Variants in GATA4 observed in about 807,000 individuals in gnomAD.
The protein encoded by GATA4 is GATA binding protein 4.
A neutral mutation model predicts 37.9 loss-of-function variants in GATA4; 7 were observed. That is an observed-to-expected ratio of 0.18 (90% CI 0.11 to 0.35). The LOEUF is 0.35. GATA4 is among the 10% of genes least tolerant of loss of function. GATA4 has a pLI of 1.00. For missense variants in GATA4, 647 were observed against 653.0 expected (o/e 0.99, Z 0.10); for synonymous variants, 372 against 292.6 (o/e 1.27, Z -2.77).
intron 1 of GATA4, chr8:11,680,582 T>C (rs4367493): frequency 0.86 from 848,482 of 985,254 alleles, 368,060 homozygotes; most frequent in East Asian, 0.89. Context: ...AAGCCCAGGC[T>C]ATGCCCAGCC....
At chr8:11,697,518 G>T (rs1261881311) in intron 1 of GATA4, 3 of 980,786 alleles carry the variant, frequency 3.1e-6, no homozygotes, top group Non-Finnish European at 3.6e-6. Context: ...CTGCAGTTGG[G>T]GAGGGAGAGG....
chr8:11,679,183 G>GT (rs1478687308), intron 1 of GATA4, among the ~76,000 whole-genome samples: 1 of 148,694 alleles, frequency 6.7e-6, no homozygotes, highest in African/African-American at 2.4e-5. Context: ...TAATTGCGGG[G>GT]GGGGGCACTT....
chr8:11,744,131 G>C (rs1285570576), intron 2 of GATA4, among the ~76,000 whole-genome samples: 1 of 152,136 alleles, frequency 6.6e-6, no homozygotes, highest in African/African-American at 2.4e-5. Flanking sequence ...TAGCCCCAGT[G>C]GTTTAAGAAA....
At chr8:11,743,553 G>C (rs1801866788) in intron 2 of GATA4, among the ~76,000 whole-genome samples, 1 of 152,346 alleles carries the variant, frequency 6.6e-6, no homozygotes, top group Middle Eastern at 3.4e-3. Flanking sequence ...GCCCAGGGGA[G>C]GGAGTGGAGA....
At chr8:11,723,598 A>G (rs1006333406) in intron 2 of GATA4, among the ~76,000 whole-genome samples, 1 of 152,190 alleles carries the variant, frequency 6.6e-6, no homozygotes, top group Non-Finnish European at 1.5e-5. Context: ...TTAGTGAGGA[A>G]TGGCGTTTGG....
chr8:11,721,425 T>C (rs916484183), intron 2 of GATA4, among the ~76,000 whole-genome samples: 1 of 150,924 alleles, frequency 6.6e-6, no homozygotes, highest in African/African-American at 2.4e-5. Context: ...GCACTTCAGA[T>C]ATAGCGCTTT....
In GATA4 at chr8:11,708,802, G is replaced by C; in HGVS notation, c.490G>C (p.Ala164Pro). 6.8e-7 allele frequency: 1 copy of C among 1,478,622 alleles called. No individual in the cohort carries two copies. The highest frequency in any genetic ancestry group is 8.9e-7 in the Non-Finnish European group (1 of 1,121,820). 91.6% of individuals were successfully genotyped at this position (1,478,622 alleles called of 1,614,324 possible). ...FAGSYSSPYP[A>P]YMADVGASWA... is the part of the protein sequence containing the mutation. ...GGGCTCCTACTCCAGCCCCTACCCG[G>C]CTTACATGGCCGACGTGGGCGCGTC... Residue 164 changes from alanine (A) to proline (P), a missense_variant, in exon 2 of 7, where the codon GCT (alanine) becomes CCT (proline). Ala to Pro is a conservative substitution (Grantham distance 27, BLOSUM62 -1). Transcript: ENST00000532059. The surrounding 1 kb of genome is among the most constrained non-coding windows in gnomAD (Gnocchi z 6.7).
At chr8:11,717,818 T>G (rs1348037903) in intron 2 of GATA4, among the ~76,000 whole-genome samples, 2 of 152,216 alleles carry the variant, frequency 1.3e-5, no homozygotes, top group African/African-American at 4.8e-5. Context: ...AGCTCTGCAG[T>G]TCAGGAATGC....
chr8:11,697,294 A>T (rs1175281356), intron 1 of GATA4, among the ~76,000 whole-genome samples: 1 of 152,244 alleles, frequency 6.6e-6, no homozygotes, highest in Non-Finnish European at 1.5e-5. Context: ...ACCAGCCGCA[A>T]AGAAATGGAG....
upstream of GATA4, among the ~76,000 whole-genome samples, chr8:11,688,165 C>T (rs73203475): frequency 0.048 from 7,332 of 152,200 alleles, 270 homozygotes; most frequent in South Asian, 0.11. Flanking sequence ...AAGCAAATAG[C>T]AGTTCAAGAG....
intron 1 of GATA4, among the ~76,000 whole-genome samples, chr8:11,706,851 C>T (rs1182641990): frequency 6.6e-6 from 1 of 152,108 alleles, no homozygotes; most frequent in Non-Finnish European, 1.5e-5. Flanking sequence ...GGAGAGACAC[C>T]TGTACTTAGT....
At chr8:11,693,994 C>G (rs556521150) in intron 1 of GATA4, among the ~76,000 whole-genome samples, 1 of 152,246 alleles carries the variant, frequency 6.6e-6, no homozygotes, top group South Asian at 2.1e-4. Context: ...GGGAACACCT[C>G]TACATTAAAA....
upstream of GATA4, chr8:11,704,039 G>C (rs1272715993): frequency 6.6e-6 from 1 of 152,302 alleles, no homozygotes; most frequent in Non-Finnish European, 1.5e-5. Flanking sequence ...CCCAGAGCCT[G>C]GACTTTGCCT....
chr8:11,755,157 TTA>T, intron 5 of GATA4, 24 bp downstream of exon 5: 1 of 1,575,004 alleles, frequency 6.3e-7, no homozygotes, highest in Non-Finnish European at 8.7e-7. Context: ...CTGTGAGTGA[TTA>T]TATGAGTACA....
intron 2 of GATA4, among the ~76,000 whole-genome samples, chr8:11,722,528 T>C (rs1196125618): frequency 1.3e-5 from 2 of 152,224 alleles, no homozygotes; most frequent in Non-Finnish European, 2.9e-5. Flanking sequence ...AAGCATTGCC[T>C]GTGTTATGCC....
rs541392474 is a variant in GATA4, at chr8:11,749,995, G to A, written c.787-116G>A. On this transcript the variant is annotated intron_variant, in intron 3 of 6. Coordinates refer to ENST00000532059, the MANE Select transcript of GATA4 (RefSeq NM_001308093.3). The surrounding 1 kb of genome is among the most constrained non-coding windows in gnomAD (Gnocchi z 4.6). ...CAGGTCAGAGATCTCATGCAGGGTC[G>A]TTAGGGCCCAGCCCTGCCTCCCGTT... 3,410 of 1,461,976 alleles carry A rather than the reference G, an allele frequency of 2.3e-3. 9 individuals carry two copies. Among genetic ancestry groups the A allele is most frequent in the Non-Finnish European group, 2.9e-3 (3,033 of 1,058,200 alleles). 90.6% of individuals were successfully genotyped at this position (1,461,976 alleles called of 1,614,324 possible). A position where few individuals can be genotyped will look rare whatever the true frequency, so the allele number is the denominator to read the frequency against.
chr8:11,723,341 A>T (rs927116070), intron 2 of GATA4, among the ~76,000 whole-genome samples: 2 of 143,122 alleles, frequency 1.4e-5, no homozygotes, highest in African/African-American at 5.1e-5. Flanking sequence ...ACCCTGTGTT[A>T]AAAAAAAAAA....
chr8:11,700,832 G>C (rs1322346273), upstream of GATA4: 21 of 152,334 alleles, frequency 1.4e-4, no homozygotes, highest in Non-Finnish European at 1.5e-5. Flanking sequence ...TGGCGACCTT[G>C]GTGGCGCCAG....
chr8:11,677,104 G>A (rs1330127270), intron 1 of GATA4: 1 of 152,764 alleles, frequency 6.5e-6, no homozygotes, highest in Non-Finnish European at 1.5e-5. Flanking sequence ...CCTCTGCCGT[G>A]GGAGGCTGGG....
Sources: allele counts gnomAD v4.1 joint callset (sites outside exome capture counted in the v4.1 genomes callset), GRCh38; gene constraint gnomAD v4.1.1; non-coding constraint Gnocchi (gnomAD v3.1); transcripts MANE v1.5; gene names NCBI Gene and HGNC (gene_info 2026-07-23, HGNC 2026-07-21).